Variants in PPP1R9A observed in about 807,000 individuals in gnomAD.
The protein encoded by PPP1R9A is protein phosphatase 1 regulatory subunit 9A, also known as neurabin-1.
Under a neutral mutation model 141.9 loss-of-function variants are expected in PPP1R9A, and 59 were observed. The ratio of observed to expected loss-of-function variants is 0.42; its 90% CI spans 0.34 to 0.52. The LOEUF (loss-of-function observed/expected upper bound fraction) is 0.52, where lower values mean the gene tolerates loss of function less well. Among genes scored for constraint, PPP1R9A ranks in the 20% least tolerant of loss-of-function variants. PPP1R9A has a pLI of 0.10. For missense variants in PPP1R9A, 1,444 were observed against 1,611.9 expected (o/e 0.90, Z 1.78); for synonymous variants, 500 against 569.7 (o/e 0.88, Z 1.74).
chr7:95,033,167 G>A (rs1245701964), intron 2 of PPP1R9A, among the ~76,000 whole-genome samples: 2 of 114,398 alleles, frequency 1.7e-5, no homozygotes, highest in Non-Finnish European at 3.6e-5. Context: ...ACCATGCCTG[G>A]CTAATTTTTT....
chr7:95,204,933 C>T (rs1790452554), intron 7 of PPP1R9A, among the ~76,000 whole-genome samples: 1 of 148,440 alleles, frequency 6.7e-6, no homozygotes, highest in Non-Finnish European at 1.5e-5. Context: ...ACCATACACA[C>T]ACCACATACC....
In PPP1R9A at chr7:95,247,452, TTC is replaced by T; in HGVS notation, c.2113-19_2113-18del. On this transcript the variant is annotated intron_variant, in intron 8 of 19. Coordinates refer to ENST00000433360, the MANE Select transcript of PPP1R9A (RefSeq NM_001166160.2). ...GATACACTTTCTTAGTTCAGATTTT[TTC>T]TTTCTTTTCAATTTTCAGTTGCAAA... The T allele has an allele frequency of 6.3e-7, 1 of 1,586,066 alleles. No individual in the cohort carries two copies. The highest frequency in any genetic ancestry group is 2.2e-5 in the East Asian group (1 of 44,556).
At position 94,910,869 on chromosome 7, in the gene PPP1R9A, G is replaced by A. The variant is rs747591359; in HGVS notation, c.756G>A (p.Leu252=). 1.2e-6 allele frequency: 2 copies of A among 1,613,930 alleles called. No homozygotes were observed. Among genetic ancestry groups the A allele is most frequent in the Non-Finnish European group, 1.7e-6 (2 of 1,180,002 alleles). Residue 252 remains leucine (L), a synonymous_variant, in exon 2 of 20, where the codon CTG becomes CTA. Transcript: ENST00000433360. The surrounding 1 kb of genome is among the most constrained non-coding windows in gnomAD (Gnocchi z 4.5). The stretch of plus-strand genomic sequence containing the variant: ...CAAATCTTGACACATTTGGTCACCT[G>A]AAGGATTCTAATTCCTGGCCTCCTT... ...TVTNLDTFGH[L]KDSNSWPPSN...
At chr7:95,229,638 T>C (rs1795635904) in intron 8 of PPP1R9A, among the ~76,000 whole-genome samples, 1 of 152,052 alleles carries the variant, frequency 6.6e-6, no homozygotes, top group Non-Finnish European at 1.5e-5. Context: ...GAGACTGAGC[T>C]AAGACACTCC....
At chr7:95,173,084 C>G (rs1563354871) in intron 5 of PPP1R9A, among the ~76,000 whole-genome samples, 1 of 151,868 alleles carries the variant, frequency 6.6e-6, no homozygotes, top group African/African-American at 2.4e-5. Flanking sequence ...GAACTGATCA[C>G]AACCCTAATT....
chr7:95,213,438 A>G (rs1316086927), intron 7 of PPP1R9A, among the ~76,000 whole-genome samples: 2 of 149,094 alleles, frequency 1.3e-5, no homozygotes, highest in Non-Finnish European at 3.0e-5. Context: ...CTCATGCCTC[A>G]GCCTCCCAAG....
At chr7:95,021,423 C>T (rs1275389405) in intron 2 of PPP1R9A, among the ~76,000 whole-genome samples, 3 of 151,632 alleles carry the variant, frequency 2.0e-5, no homozygotes, top group Admixed American at 6.6e-5. Flanking sequence ...CTGTAGGTTG[C>T]CTGTTCACTC....
At chr7:94,966,787 G>A (rs758032195) in intron 2 of PPP1R9A, among the ~76,000 whole-genome samples, 1 of 152,066 alleles carries the variant, frequency 6.6e-6, no homozygotes, top group Admixed American at 6.6e-5. Context: ...TTTTTTTATT[G>A]TGTCCCTGCA....
intron 12 of PPP1R9A, among the ~76,000 whole-genome samples, chr7:95,263,041 A>G (rs893774302): frequency 6.6e-6 from 1 of 152,130 alleles, no homozygotes; most frequent in Non-Finnish European, 1.5e-5. Flanking sequence ...CAGGCAGACA[A>G]TCACCACAGA....
chr7:94,960,423 T>TA (rs1311829818), intron 2 of PPP1R9A, among the ~76,000 whole-genome samples: 1 of 151,696 alleles, frequency 6.6e-6, no homozygotes, highest in African/African-American at 2.4e-5. Context: ...AGTACACTGA[T>TA]ACTAATCCTA....
chr7:95,291,225 G>C lies in PPP1R9A; in HGVS notation c.*922G>C, dbSNP rs1206218907. On this transcript the variant is annotated 3_prime_UTR_variant, in exon 20 of 20. Coordinates refer to ENST00000433360, the MANE Select transcript of PPP1R9A (RefSeq NM_001166160.2). ...TTTTTAAGGAAACCACCATTTTCAG[G>C]TTTCCTCTCCTGGGGAACATTCTGG... 2 of 152,108 alleles carry C rather than the reference G, an allele frequency of 1.3e-5. No homozygotes were observed. The highest frequency in any genetic ancestry group is 2.4e-5 in the African/African-American group (1 of 41,400). 9.4% of individuals were successfully genotyped at this position (152,108 alleles called of 1,614,324 possible). A position where few individuals can be genotyped will look rare whatever the true frequency, so the allele number is the denominator to read the frequency against.
chr7:94,945,708 T>C (rs2150984984), intron 2 of PPP1R9A, among the ~76,000 whole-genome samples: 1 of 152,206 alleles, frequency 6.6e-6, no homozygotes, highest in East Asian at 1.9e-4. Context: ...TAAACTTGTT[T>C]TGCTAAAACA....
chr7:94,917,574 A>T (rs1347333375), intron 2 of PPP1R9A, among the ~76,000 whole-genome samples: 43 of 140,208 alleles, frequency 3.1e-4, no homozygotes, highest in South Asian at 4.6e-4. Context: ...GCCTGTTATT[A>T]TTTTTTTTTT....
Position 95,087,891 on chromosome 7 carries a change from T to C in PPP1R9A, c.1396-23368T>C, listed in dbSNP as rs1342703759. Among the ~76,000 whole-genome samples the C allele has an allele frequency of 2.1e-5, 3 of 141,942 alleles. No homozygotes were observed. In the East Asian group the frequency reaches 6.1e-4, roughly 29 times the overall value. 93.1% of individuals were successfully genotyped at this position (141,942 alleles called of 152,430 possible). On this transcript the variant is annotated intron_variant, in intron 2 of 19. Transcript: ENST00000433360. ...GCCTAGGTGACAGAGTGAGACTCCA[T>C]CTCAAAAAAAAGAGAGAGAGAAAAA...
chr7:95,117,069 A>G (rs1821651305), intron 3 of PPP1R9A, among the ~76,000 whole-genome samples: 1 of 152,210 alleles, frequency 6.6e-6, no homozygotes, highest in Non-Finnish European at 1.5e-5. Context: ...GACTGCATAT[A>G]TCATCTAGGC....
chr7:95,108,293 TTTTCGTTTCTTTTC>T (rs1819873168), intron 2 of PPP1R9A, among the ~76,000 whole-genome samples: 1 of 146,178 alleles, frequency 6.8e-6, no homozygotes, highest in South Asian at 2.1e-4. Context: ...TTTCTTTTCT[TTTTCGTTTCTTTTC>T]TTTTTTTTTT....
At chr7:95,244,938 A>T (rs1050258673) in intron 8 of PPP1R9A, among the ~76,000 whole-genome samples, 16 of 152,198 alleles carry the variant, frequency 1.1e-4, no homozygotes, top group Non-Finnish European at 7.3e-5. Flanking sequence ...AGTGAAATGA[A>T]AGAGGTTAAG....
At chr7:95,096,410 CCTT>C (rs937697553) in intron 2 of PPP1R9A, among the ~76,000 whole-genome samples, 57 of 152,244 alleles carry the variant, frequency 3.7e-4, no homozygotes, top group African/African-American at 1.3e-3. Context: ...TTCTTGCCTT[CCTT>C]CTTCTGTTGC....
chr7:95,033,387 A>G lies in PPP1R9A; in HGVS notation c.1396-77872A>G, dbSNP rs548710931. ...TTCTAGTGAGCTATCTTTTCTTATC[A>G]GTTTGTACAATTTATATATGTAGTT... On this transcript the variant is annotated intron_variant, in intron 2 of 19. Coordinates refer to ENST00000433360, the MANE Select transcript of PPP1R9A (RefSeq NM_001166160.2). 1.3e-4 allele frequency among the ~76,000 whole-genome samples: 19 copies of G among 151,770 alleles called. No homozygotes were observed. The East Asian group carries it at 3.7e-3, about 29-fold the overall frequency.
Sources: gnomAD v4.1 joint callset for allele counts (sites outside exome capture counted in the v4.1 genomes callset) on GRCh38, gnomAD v4.1.1 for gene constraint, Gnocchi (gnomAD v3.1) non-coding constraint, MANE v1.5 for transcripts, NCBI Gene and HGNC (gene_info 2026-07-23, HGNC 2026-07-21) for gene names.